The following PLEKHG6 variants were observed in gnomAD, a reference collection of about 807,000 sequenced individuals.
PLEKHG6 encodes pleckstrin homology and RhoGEF domain containing G6.
In PLEKHG6, 91 loss-of-function variants were observed where a neutral mutation model predicts 97.5. The observed-to-expected ratio is 0.93, with a 90% CI of 0.79 to 1.11. PLEKHG6 has a LOEUF of 1.11. Among genes scored for constraint, PLEKHG6 ranks in the 50% most tolerant of loss-of-function variants. PLEKHG6 has a pLI of 0.00. For synonymous variants in PLEKHG6, 466 were observed against 425.5 expected, an observed-to-expected ratio of 1.10 and a Z score of -1.17; for missense variants, 1,044 against 1,031.0, an observed-to-expected ratio of 1.01 and a Z score of -0.17.
intron 3 of PLEKHG6, among the ~76,000 whole-genome samples, chr12:6,314,105 T>C (rs1947366149): frequency 6.6e-6 from 1 of 152,204 alleles, no homozygotes; most frequent in South Asian, 2.1e-4. Flanking sequence ...TGCCACATCA[T>C]CCTTCACTGC....
intron 13 of PLEKHG6, among the ~76,000 whole-genome samples, chr12:6,324,589 C>T (rs974945390): frequency 1.5e-4 from 23 of 152,236 alleles, no homozygotes; most frequent in Admixed American, 8.5e-4. Context: ...AGTCCTGCCC[C>T]AGGTCCCGGC....
chr12:6,318,920 A>T (rs780139259), intron 12 of PLEKHG6, 43 bp downstream of exon 12: 1 of 1,613,200 alleles, frequency 6.2e-7, no homozygotes, highest in African/African-American at 1.3e-5. Context: ...CCCTCTTCTC[A>T]GCGAGGGGAA....
intron 3 of PLEKHG6, 115 bp from the exon 4 acceptor site, chr12:6,314,890 A>G: frequency 2.1e-6 from 2 of 966,042 alleles, no homozygotes; most frequent in Non-Finnish European, 3.1e-6. Flanking sequence ...CCCATTCCAG[A>G]CACAGACACA....
Position 6,323,396 on chromosome 12 carries a change from C to G in PLEKHG6, c.1525-3032C>G, listed in dbSNP as rs188709442. Among the ~76,000 whole-genome samples, 8 of 152,330 alleles carry G rather than the reference C, an allele frequency of 5.3e-5. 1 individual carries two copies. Among genetic ancestry groups the G allele is most frequent in the Admixed American group, 3.3e-4 (5 of 15,306 alleles). ...TACACTGAAGAGGGCAGTAGAAACT[C>G]TGTTGGTCCCTTTCATAGAGCAATC... On this transcript the variant is annotated intron_variant, in intron 13 of 15. Transcript: ENST00000684764.
At chr12:6,325,871 G>A (rs955504469) in intron 13 of PLEKHG6, among the ~76,000 whole-genome samples, 3 of 152,130 alleles carry the variant, frequency 2.0e-5, no homozygotes, top group Non-Finnish European at 4.4e-5. Flanking sequence ...CCAGAGTTTG[G>A]TGCCACCAAA....
intron 13 of PLEKHG6, chr12:6,319,415 T>C: frequency 1.0e-6 from 1 of 988,638 alleles, no homozygotes; most frequent in Non-Finnish European, 1.4e-6. Flanking sequence ...GCCACTGCAC[T>C]CTAGCCTGGG....
chr12:6,312,478 C>A, intron 2 of PLEKHG6, 114 bp downstream of exon 2: 1 of 1,238,468 alleles, frequency 8.1e-7, no homozygotes, highest in Non-Finnish European at 1.1e-6. Context: ...CTGCCCCTTA[C>A]CCTACTCTTC....
At chr12:6,314,891 CACAG>C in intron 3 of PLEKHG6, 110 bp from the exon 4 acceptor site, 3 of 978,770 alleles carry the variant, frequency 3.1e-6, no homozygotes, top group Non-Finnish European at 4.6e-6. Flanking sequence ...CCATTCCAGA[CACAG>C]ACACACGCAC....
rs142505365 is a variant in PLEKHG6 at position 6,318,873 on chromosome 12, C to A, written c.1404C>A (p.Asp468Glu). Residue 468 changes from aspartate to glutamate, a missense_variant, in exon 12 of 16, where the codon GAC becomes GAA. Physicochemically the swap from Asp to Glu is conservative, Grantham distance 45. Coordinates refer to ENST00000684764, the MANE Select transcript of PLEKHG6 (RefSeq NM_001384598.1). ...LEKLVCQPLRDPNSFLLIHLT... is the reference protein window; with the variant it reads ...LEKLVCQPLREPNSFLLIHLT... The stretch of plus-strand genomic sequence containing the variant: ...AGCTCGTGTGCCAACCCCTGCGAGA[C>A]CCCAGTACGTCCTTCCTTCAGGGAG... The A allele has an allele frequency of 3.4e-5, 55 of 1,614,236 alleles. No individual in the cohort carries two copies. The African/African-American group carries it at 6.4e-4, about 19-fold the overall frequency.
At chr12:6,320,660 T>C (rs558453672) in intron 13 of PLEKHG6, among the ~76,000 whole-genome samples, 1 of 152,304 alleles carries the variant, frequency 6.6e-6, no homozygotes. Flanking sequence ...TCTCTGCAAA[T>C]CTGCGAAGAC....
intron 2 of PLEKHG6, 166 bp downstream of exon 2, chr12:6,312,530 G>A (rs1947309827): frequency 9.0e-6 from 10 of 1,112,894 alleles, no homozygotes; most frequent in Non-Finnish European, 1.2e-5. Context: ...GACAGGGCCA[G>A]GCTCCAGGGA....
Position 6,328,165 on chromosome 12 carries a change from G to T in PLEKHG6, c.*20G>T. The T allele has an allele frequency of 1.2e-6, 2 of 1,612,886 alleles. No homozygotes were observed. The highest frequency in any genetic ancestry group is 1.7e-6 in the Non-Finnish European group (2 of 1,178,948). On this transcript the variant is annotated 3_prime_UTR_variant, in exon 16 of 16. Transcript: ENST00000684764. Reference sequence around the variant, plus strand: ...GTATGAGGAATGCAGAGGACCTTTGGCATGCATCTCTCCCAGAGGAGATCT... The same window carrying T: ...GTATGAGGAATGCAGAGGACCTTTGTCATGCATCTCTCCCAGAGGAGATCT...
chr12:6,311,899 C>A (rs974588299), intron 1 of PLEKHG6, among the ~76,000 whole-genome samples: 5 of 152,162 alleles, frequency 3.3e-5, no homozygotes, highest in African/African-American at 1.2e-4. Flanking sequence ...AGTGCAGGAG[C>A]TTGTACCCCA....
At chr12:6,324,190 T>A (rs1259560552) in intron 13 of PLEKHG6, among the ~76,000 whole-genome samples, 1 of 152,100 alleles carries the variant, frequency 6.6e-6, no homozygotes, top group Non-Finnish European at 1.5e-5. Flanking sequence ...CTCCCAGGGT[T>A]GCTGGAGAGG....
chr12:6,324,412 G>T (rs546591387), intron 13 of PLEKHG6, among the ~76,000 whole-genome samples: 1 of 152,000 alleles, frequency 6.6e-6, no homozygotes, highest in Non-Finnish European at 1.5e-5. Flanking sequence ...CTTCTTTCCC[G>T]TAACATCCCT....
chr12:6,316,354 G>T lies in PLEKHG6; in HGVS notation c.706G>T (p.Ala236Ser). 6.4e-7 allele frequency: 1 copy of T among 1,566,004 alleles called. No individual in the cohort carries two copies. Among genetic ancestry groups the T allele is most frequent in the South Asian group, 1.2e-5 (1 of 85,054 alleles). ...VLGPTLEETR[A>S]SGQPLDPIGL... ...GGGGCCCACCCTGGAGGAGACTCGG[G>T]CCTCGGGCCAGCCTCTGGACCCCAT... The change falls in exon 7 of 16, where the codon GCC (alanine) becomes TCC (serine). Residue 236 changes from alanine to serine, a missense_variant. Transcript: ENST00000684764. The surrounding 1 kb of genome is among the most constrained non-coding windows in gnomAD (Gnocchi z 4.1).
At position 6,317,708 on chromosome 12, in the gene PLEKHG6, A is replaced by G. The variant is rs1191672570; in HGVS notation, c.1017+12A>G. The stretch of plus-strand genomic sequence containing the variant: ...CCCTGAATGCCATGGTAGGTGCCCC[A>G]GTGGGGCTGGGACTCTGGTGAATCG... On this transcript the variant is annotated intron_variant, in intron 9 of 15. Transcript: ENST00000684764. 1.2e-5 allele frequency: 19 copies of G among 1,612,746 alleles called. No individual in the cohort carries two copies. Among genetic ancestry groups the G allele is most frequent in the Non-Finnish European group, 1.6e-5 (19 of 1,179,748 alleles).
chr12:6,314,957 G>A (rs751073095), intron 3 of PLEKHG6, 48 bp from the exon 4 acceptor site: 1 of 1,582,388 alleles, frequency 6.3e-7, no homozygotes, highest in Non-Finnish European at 8.6e-7. Flanking sequence ...CCCTGTGGCT[G>A]GGTGCCAAGG....
intron 2 of PLEKHG6, chr12:6,312,815 G>T: frequency 8.1e-7 from 1 of 1,236,550 alleles, no homozygotes; most frequent in Non-Finnish European, 1.0e-6. Context: ...GCCTGCCTTG[G>T]CTCCACCCCT....
Sources: allele counts gnomAD v4.1 joint callset (sites outside exome capture counted in the v4.1 genomes callset), GRCh38; gene constraint gnomAD v4.1.1; non-coding constraint Gnocchi (gnomAD v3.1); transcripts MANE v1.5; gene names NCBI Gene and HGNC (gene_info 2026-07-23, HGNC 2026-07-21).